STK32B: variants seen among roughly 807,000 people sequenced by gnomAD.
The protein encoded by STK32B is serine/threonine kinase 32B.
STK32B carries 43 observed loss-of-function variants against 52.6 expected under a neutral mutation model. The observed-to-expected ratio is 0.82, with a 90% CI of 0.64 to 1.05. The LOEUF (loss-of-function observed/expected upper bound fraction) is 1.05, where lower values mean the gene tolerates loss of function less well. STK32B is among the 50% of genes least tolerant of loss of function. The pLI is 0.00. For synonymous variants in STK32B, 238 were observed against 204.3 expected, an observed-to-expected ratio of 1.17 and a Z score of -1.41; for missense variants, 621 against 534.6, an observed-to-expected ratio of 1.16 and a Z score of -1.59.
At chr4:5,412,636 A>T (rs1711792681) in intron 5 of STK32B, among the ~76,000 whole-genome samples, 3 of 152,196 alleles carry the variant, frequency 2.0e-5, no homozygotes, top group Admixed American at 2.0e-4. Flanking sequence ...AACACTAGTG[A>T]CTGGAACCTC....
At chr4:5,134,938 T>C (rs1225712860) in intron 1 of STK32B, among the ~76,000 whole-genome samples, 1 of 152,246 alleles carries the variant, frequency 6.6e-6, no homozygotes, top group East Asian at 1.9e-4. Flanking sequence ...TTCATGAATA[T>C]TGCAATGTTG....
chr4:5,120,460 A>G (rs1171029905), intron 1 of STK32B, among the ~76,000 whole-genome samples: 3 of 152,208 alleles, frequency 2.0e-5, no homozygotes. Context: ...TAATTTTTCC[A>G]TATTTAGTTA....
intron 1 of STK32B, among the ~76,000 whole-genome samples, chr4:5,093,630 T>A (rs1713221389): frequency 6.6e-6 from 1 of 152,066 alleles, no homozygotes; most frequent in African/African-American, 2.4e-5. Context: ...AGTTAATGGG[T>A]GCAACACACC....
chr4:5,414,889 C>G (rs1464745048), intron 5 of STK32B, among the ~76,000 whole-genome samples: 1 of 152,020 alleles, frequency 6.6e-6, no homozygotes, highest in Non-Finnish European at 1.5e-5. Flanking sequence ...ATGAAAATAC[C>G]AAACTTTTGA....
intron 1 of STK32B, among the ~76,000 whole-genome samples, chr4:5,119,220 G>A (rs570117923): frequency 1.6e-4 from 25 of 152,322 alleles, no homozygotes; most frequent in African/African-American, 6.0e-4. Context: ...AATTCCCACA[G>A]CGTTTAGCAT....
intron 3 of STK32B, among the ~76,000 whole-genome samples, chr4:5,175,950 C>G (rs1190530353): frequency 6.6e-6 from 1 of 152,256 alleles, no homozygotes; most frequent in East Asian, 1.9e-4. Flanking sequence ...TGGGCTCCAC[C>G]CACTCGAGCT....
At chr4:5,283,876 C>G (rs750845936) in intron 3 of STK32B, among the ~76,000 whole-genome samples, 8 of 151,812 alleles carry the variant, frequency 5.3e-5, no homozygotes. Context: ...CAAAAGGCCA[C>G]TAACTAAAAA....
At chr4:5,167,998 G>T (rs1180620237) in intron 2 of STK32B, among the ~76,000 whole-genome samples, 1 of 152,176 alleles carries the variant, frequency 6.6e-6, no homozygotes, top group Non-Finnish European at 1.5e-5. Flanking sequence ...TTCCTCGTGG[G>T]CTGTGAGCCC....
chr4:5,290,550 A>T (rs1007467255), intron 3 of STK32B, among the ~76,000 whole-genome samples: 4 of 152,204 alleles, frequency 2.6e-5, no homozygotes, highest in African/African-American at 9.6e-5. Context: ...TGGTACATGC[A>T]GTCCATTGTT....
At position 5,219,514 on chromosome 4, in the gene STK32B, G is replaced by A. The variant is rs34009840; in HGVS notation, c.260+51064G>A. Reference sequence around the variant, plus strand: ...GAAGTTGGTGGTGTTTGTGAAGACAGACAGCAGAGGGTCACAGAGGTTGAG... The same window carrying A: ...GAAGTTGGTGGTGTTTGTGAAGACAAACAGCAGAGGGTCACAGAGGTTGAG... On this transcript the variant is annotated intron_variant, in intron 3 of 11. Coordinates refer to ENST00000282908, the MANE Select transcript of STK32B (RefSeq NM_018401.3). 1.9e-3 allele frequency among the ~76,000 whole-genome samples: 284 copies of A among 152,378 alleles called. 1 individual carries two copies. Among genetic ancestry groups the A allele is most frequent in the Admixed American group, 4.2e-3 (64 of 15,312 alleles).
rs189119821 is a variant in STK32B at position 5,130,447 on chromosome 4, C to G, written c.53-9458C>G. ...ATGCCATGCTACTGAAGAATCCAAA[C>G]CGGGCTTGGGCTGTCGGCTTTGAGA... On this transcript the variant is annotated intron_variant, in intron 1 of 11. Transcript: ENST00000282908. Among the ~76,000 whole-genome samples the G allele has an allele frequency of 9.2e-5, 14 of 152,122 alleles. No homozygotes were observed. In the East Asian group the frequency reaches 1.8e-3, roughly 19 times the overall value.
chr4:5,225,694 G>A (rs1375234147), intron 3 of STK32B, among the ~76,000 whole-genome samples: 1 of 152,144 alleles, frequency 6.6e-6, no homozygotes, highest in Non-Finnish European at 1.5e-5. Flanking sequence ...AAATTCTATG[G>A]CCATTAGACA....
intron 2 of STK32B, among the ~76,000 whole-genome samples, chr4:5,164,379 C>T (rs959382457): frequency 1.3e-5 from 2 of 152,170 alleles, no homozygotes; most frequent in African/African-American, 4.8e-5. Context: ...CTCTTCTCTT[C>T]TAAGGACGCT....
At chr4:5,099,454 G>GCGCACA (rs1553823532) in intron 1 of STK32B, among the ~76,000 whole-genome samples, 17,707 of 129,706 alleles carry the variant, frequency 0.14, 1,353 homozygotes, top group East Asian at 0.4. Flanking sequence ...GTGTGTGCGC[G>GCGCACA]CGCGCGTATG....
chr4:5,424,385 C>A (rs1271859960), intron 6 of STK32B, among the ~76,000 whole-genome samples: 1 of 152,200 alleles, frequency 6.6e-6, no homozygotes, highest in Non-Finnish European at 1.5e-5. Flanking sequence ...GGCTGGGTCA[C>A]CAGTTCCACT....
chr4:5,419,896 C>T (rs1712478950), intron 6 of STK32B, among the ~76,000 whole-genome samples: 1 of 152,146 alleles, frequency 6.6e-6, no homozygotes, highest in African/African-American at 2.4e-5. Context: ...TGAAGTTTGA[C>T]TATAAATACC....
the STK32B span, among the ~76,000 whole-genome samples, chr4:5,043,133 A>C: frequency 6.6e-5 from 10 of 151,352 alleles, no homozygotes; most frequent in African/African-American, 1.5e-4. Context: ...AAAAAAAAAA[A>C]AAACCTGTGC....
At chr4:5,318,102 C>CGT (rs144974089) in intron 3 of STK32B, among the ~76,000 whole-genome samples, 5,846 of 150,832 alleles carry the variant, frequency 0.039, 202 homozygotes, top group African/African-American at 0.088. Context: ...TGCTTGTGCA[C>CGT]GTGTGTGTGT....
intron 1 of STK32B, among the ~76,000 whole-genome samples, chr4:5,104,549 C>G (rs1439371941): frequency 6.6e-6 from 1 of 152,150 alleles, no homozygotes; most frequent in Non-Finnish European, 1.5e-5. Context: ...TGAAATATTA[C>G]CTACAGCAAA....
Sources: allele counts gnomAD v4.1 joint callset (sites outside exome capture counted in the v4.1 genomes callset), GRCh38; gene constraint gnomAD v4.1.1; transcripts MANE v1.5; gene names NCBI Gene and HGNC (gene_info 2026-07-23, HGNC 2026-07-21).